The following NKAIN3 variants were observed in gnomAD, a reference collection of about 807,000 sequenced individuals.
The protein encoded by NKAIN3 is sodium/potassium transporting ATPase interacting 3.
NKAIN3 carries 25 observed loss-of-function variants against 30.2 expected under a neutral mutation model. The observed-to-expected ratio is 0.83, with a 90% CI of 0.60 to 1.16. The LOEUF (loss-of-function observed/expected upper bound fraction) is 1.16, where lower values mean the gene tolerates loss of function less well. Ranked by LOEUF, NKAIN3 falls within the 50% of genes most tolerant of loss-of-function variation. NKAIN3 has a pLI of 0.00. For synonymous variants in NKAIN3, 91 were observed against 89.6 expected (o/e 1.02, Z -0.09); for missense variants, 225 against 254.1 (o/e 0.89, Z 0.78).
chr8:62,452,847 C>T (rs1363186606), intron 1 of NKAIN3, among the ~76,000 whole-genome samples: 1 of 151,890 alleles, frequency 6.6e-6, no homozygotes, highest in African/African-American at 2.4e-5. Context: ...TGGGGTACTC[C>T]AAAAGTAAAA....
chr8:62,559,142 T>C (rs747091247), intron 1 of NKAIN3, among the ~76,000 whole-genome samples: 9 of 152,096 alleles, frequency 5.9e-5, no homozygotes, highest in Non-Finnish European at 1.0e-4. Flanking sequence ...TGTTTTCTAC[T>C]GCTTCTGGGT....
At position 62,966,506 on chromosome 8, in the gene NKAIN3, C is replaced by A; in HGVS notation, c.*1099C>A. On this transcript the variant is annotated 3_prime_UTR_variant, in exon 7 of 7. Coordinates refer to ENST00000623646, the MANE Select transcript of NKAIN3 (RefSeq NM_001304533.3). ...GATTTGATTAGTTTTGAAAAATGTA[C>A]ATACCCATGTAACCAAGGCCTCAAT... is the stretch of plus-strand genomic sequence containing the variant. 5.8e-6 allele frequency: 3 copies of A among 513,640 alleles called. No homozygotes were observed. Among genetic ancestry groups the A allele is most frequent in the Non-Finnish European group, 7.5e-6 (3 of 399,080 alleles). The allele number at this position is 513,640 out of a possible 1,614,324, so 31.8% of individuals were successfully genotyped here.
exon 6 of NKAIN3, chr8:62,999,611 T>C (rs968691127): frequency 6.6e-6 from 1 of 152,248 alleles, no homozygotes; most frequent in Non-Finnish European, 1.5e-5. Flanking sequence ...AATTGTTTCC[T>C]TTGCTGTGCT....
chr8:62,794,032 T>G (rs1817780041), intron 4 of NKAIN3, among the ~76,000 whole-genome samples: 1 of 152,208 alleles, frequency 6.6e-6, no homozygotes, highest in South Asian at 2.1e-4. Context: ...CTTGAACATC[T>G]GCTTTCTGCC....
intron 1 of NKAIN3, among the ~76,000 whole-genome samples, chr8:62,557,141 T>C (rs1809424248): frequency 1.3e-5 from 2 of 152,212 alleles, no homozygotes; most frequent in South Asian, 2.1e-4. Flanking sequence ...CTCCCACTTA[T>C]GAGTGAGAAC....
intron 3 of NKAIN3, among the ~76,000 whole-genome samples, chr8:62,660,849 A>G (rs912693825): frequency 2.0e-5 from 3 of 152,236 alleles, no homozygotes; most frequent in Non-Finnish European, 4.4e-5. Context: ...GAATGTGAGC[A>G]GCTGCCAAGC....
intron 1 of NKAIN3, among the ~76,000 whole-genome samples, chr8:62,440,833 C>A (rs1272280314): frequency 6.6e-6 from 1 of 152,078 alleles, no homozygotes; most frequent in East Asian, 1.9e-4. Context: ...TGTTTTCTGG[C>A]TATTGCAAGA....
intron 1 of NKAIN3, among the ~76,000 whole-genome samples, chr8:62,315,269 C>T (rs1448246076): frequency 6.6e-6 from 1 of 152,138 alleles, no homozygotes; most frequent in Non-Finnish European, 1.5e-5. Flanking sequence ...CAGAGTTCAA[C>T]TACAAGCACA....
At chr8:62,706,272 C>T (rs560751421) in intron 3 of NKAIN3, among the ~76,000 whole-genome samples, 23 of 152,140 alleles carry the variant, frequency 1.5e-4, no homozygotes, top group African/African-American at 5.3e-4. Flanking sequence ...GTGTAGCATT[C>T]CCCAGCTGAA....
At chr8:62,484,752 G>C (rs1380802119) in intron 1 of NKAIN3, among the ~76,000 whole-genome samples, 2 of 152,130 alleles carry the variant, frequency 1.3e-5, no homozygotes, top group African/African-American at 2.4e-5. Flanking sequence ...TCCAAGGTGG[G>C]GAACCTGGGT....
intron 1 of NKAIN3, among the ~76,000 whole-genome samples, chr8:62,532,907 G>T (rs1808531202): frequency 6.6e-6 from 1 of 152,134 alleles, no homozygotes; most frequent in Non-Finnish European, 1.5e-5. Flanking sequence ...CAGGACTAAT[G>T]AGTCAATATT....
rs571887843 is a variant in NKAIN3 at position 62,992,588 on chromosome 8, C to G, written c.533-6643C>G. Among the ~76,000 whole-genome samples the G allele has an allele frequency of 9.2e-5, 14 of 152,006 alleles. No homozygotes were observed. In the South Asian group the frequency reaches 2.7e-3, roughly 29 times the overall value. ...AAGTGTTAGTGTTCCCTCACCCTCA[C>G]CCATCCCACCCTTTCAACTTTCCCT... is the stretch of plus-strand genomic sequence containing the variant. On this transcript the variant is annotated intron_variant, in intron 5 of 5. Coordinates refer to the NKAIN3 transcript ENST00000519049.
At chr8:62,777,308 C>T (rs1817222691) in intron 4 of NKAIN3, among the ~76,000 whole-genome samples, 2 of 152,148 alleles carry the variant, frequency 1.3e-5, no homozygotes, top group South Asian at 2.1e-4. Flanking sequence ...TGTCTACCTC[C>T]ACTTTACAGG....
intron 3 of NKAIN3, among the ~76,000 whole-genome samples, chr8:62,617,820 T>C (rs1039835498): frequency 6.6e-6 from 1 of 152,184 alleles, no homozygotes; most frequent in African/African-American, 2.4e-5. Context: ...TGTTCATACC[T>C]TCTTGTCCTC....
In NKAIN3 at chr8:62,249,069, G is replaced by A; in HGVS notation, c.-5G>A. The A allele has an allele frequency of 1.3e-6, 2 of 1,535,624 alleles. No individual in the cohort carries two copies. The highest frequency in any genetic ancestry group is 2.5e-5 in the East Asian group (1 of 39,320). On this transcript the variant is annotated 5_prime_UTR_variant, in exon 1 of 7. Transcript: ENST00000623646. The stretch of plus-strand genomic sequence containing the variant: ...AGTCAGCGCCGCTCGGACGCCGCCG[G>A]CACCATGGGCTGCTGCACCGGACGC...
At chr8:62,802,457 C>T (rs1213244071) in intron 4 of NKAIN3, among the ~76,000 whole-genome samples, 2 of 152,226 alleles carry the variant, frequency 1.3e-5, no homozygotes, top group South Asian at 2.1e-4. Flanking sequence ...AGAGTGGGGG[C>T]CAATATTCAA....
At chr8:62,582,430 A>G (rs1201768151) in intron 2 of NKAIN3, among the ~76,000 whole-genome samples, 1 of 152,146 alleles carries the variant, frequency 6.6e-6, no homozygotes, top group Non-Finnish European at 1.5e-5. Context: ...GATAAGTGAT[A>G]CGAAGGAGCA....
At chr8:62,414,090 G>C (rs985367529) in intron 1 of NKAIN3, among the ~76,000 whole-genome samples, 4 of 152,096 alleles carry the variant, frequency 2.6e-5, no homozygotes, top group African/African-American at 9.7e-5. Flanking sequence ...GTATGTCTTT[G>C]ATTTGGGACT....
At chr8:62,498,422 C>T (rs533928120) in intron 1 of NKAIN3, among the ~76,000 whole-genome samples, 18 of 152,192 alleles carry the variant, frequency 1.2e-4, no homozygotes, top group Middle Eastern at 3.4e-3. Flanking sequence ...CCCTCTCTGA[C>T]ACATTCAGCA....
Sources: allele counts gnomAD v4.1 joint callset (sites outside exome capture counted in the v4.1 genomes callset), GRCh38; gene constraint gnomAD v4.1.1; transcripts MANE v1.5; gene names NCBI Gene and HGNC (gene_info 2026-07-23, HGNC 2026-07-21).